Variants in AGPAT1 observed in about 807,000 individuals in gnomAD.
The protein encoded by AGPAT1 is 1-acylglycerol-3-phosphate O-acyltransferase 1, also known as 1-acyl-sn-glycerol-3-phosphate acyltransferase alpha.
A neutral mutation model predicts 31.2 loss-of-function variants in AGPAT1; 6 were observed. The ratio of observed to expected loss-of-function variants is 0.19; its 90% CI spans 0.11 to 0.38. AGPAT1 has a LOEUF of 0.38. Among genes scored for constraint, AGPAT1 ranks in the 10% least tolerant of loss-of-function variants. The pLI is 1.00. For synonymous variants in AGPAT1, 139 were observed against 154.0 expected (o/e 0.90, Z 0.72); for missense variants, 187 against 377.8 (o/e 0.49, Z 4.19).
Position 32,175,732 on chromosome 6 carries a change from G to A in AGPAT1, c.-10+82C>T, listed in dbSNP as rs139168537. 2.3e-3 allele frequency: 1,823 copies of A among 792,426 alleles called. 28 individuals carry two copies. In the African/African-American group the frequency reaches 0.033, roughly 14 times the overall value. The allele number at this position is 792,426 out of a possible 1,614,324, so 49.1% of individuals were successfully genotyped here. ...CCCTCTCCCCCAGTCGGCCCTCCCA[G>A]ACCCAATCTCTCCCCTTCCCCTCAT... On this transcript the variant is annotated intron_variant, in intron 1 of 6. Transcript: ENST00000375107. The surrounding 1 kb of genome is among the most constrained non-coding windows in gnomAD (Gnocchi z 4.5).
upstream of AGPAT1, chr6:32,176,265 T>A: frequency 1.7e-6 from 1 of 603,326 alleles, no homozygotes; most frequent in Non-Finnish European, 2.1e-6. Flanking sequence ...TTTGCCCCCA[T>A]CTCTGGCTCC....
Position 32,169,057 on chromosome 6 carries a change from T to G in AGPAT1, c.*219A>C. The G allele has an allele frequency of 6.9e-6, 4 of 577,100 alleles. No homozygotes were observed. Among genetic ancestry groups the G allele is most frequent in the East Asian group, 2.8e-5 (1 of 35,282 alleles). 35.7% of individuals were successfully genotyped at this position (577,100 alleles called of 1,614,324 possible). On this transcript the variant is annotated 3_prime_UTR_variant, in exon 7 of 7. Transcript: ENST00000375107. The surrounding 1 kb of genome is among the most constrained non-coding windows in gnomAD (Gnocchi z 5.9). Reference sequence around the variant, plus strand: ...GACAGTAGGAGGTGGGGGTCAAGAGTGGAGACTGCACCGAGGCAAGAGTCC... The same window carrying G: ...GACAGTAGGAGGTGGGGGTCAAGAGGGGAGACTGCACCGAGGCAAGAGTCC...
rs1785465842 is a variant in AGPAT1 at position 32,175,554 on chromosome 6, C to T, written c.-10+260G>A. On this transcript the variant is annotated intron_variant, in intron 1 of 6. Transcript: ENST00000375107. This position sits in a 1 kb window ranked among gnomAD's most constrained non-coding sequence, Gnocchi z 4.5. ...GGGGAAGGTGTAGGGAATTCCCTCT[C>T]CAGGATTCCCTGTGCACGCTCCCAG... Among the ~76,000 whole-genome samples the T allele has an allele frequency of 6.6e-6, 1 of 152,012 alleles. No homozygotes were observed. Among genetic ancestry groups the T allele is most frequent in the Non-Finnish European group, 1.5e-5 (1 of 67,968 alleles).
Position 32,169,442 on chromosome 6 carries a change from C to G in AGPAT1, c.686G>C (p.Cys229Ser). Residue 229 changes from cysteine to serine, a missense_variant, in exon 7 of 7, where the codon TGT (cysteine) becomes TCT (serine). By Grantham distance (112) the Cys-to-Ser change is moderately radical (BLOSUM62 -1). Coordinates refer to ENST00000375107, the MANE Select transcript of AGPAT1 (RefSeq NM_006411.4). The surrounding 1 kb of genome is among the most constrained non-coding windows in gnomAD (Gnocchi z 5.9). ...CACTGGGGGCAGCACCCGCACCTGA[C>G]ATTGTCCTGGGGCAAGGGGAGCACC... ...KKERRFTSGQ[C>S]QVRVLPPVPT... 1 of 1,612,488 alleles carries G rather than the reference C, an allele frequency of 6.2e-7. No homozygotes were observed. Among genetic ancestry groups the G allele is most frequent in the Non-Finnish European group, 8.5e-7 (1 of 1,179,894 alleles).
chr6:32,169,438 C>T lies in AGPAT1; in HGVS notation c.690G>A (p.Gln230=). The T allele has an allele frequency of 1.9e-6, 3 of 1,612,526 alleles. No individual in the cohort carries two copies. The highest frequency in any genetic ancestry group is 2.2e-5 in the East Asian group (1 of 44,888). The change falls in exon 7 of 7, where the codon CAG becomes CAA. Residue 230 remains glutamine, a synonymous_variant. Coordinates refer to ENST00000375107, the MANE Select transcript of AGPAT1 (RefSeq NM_006411.4). This position sits in a 1 kb window ranked among gnomAD's most constrained non-coding sequence, Gnocchi z 5.9. The part of the protein sequence containing the change: ...KERRFTSGQC[Q]VRVLPPVPTE... ...TGGGCACTGGGGGCAGCACCCGCAC[C>T]TGACATTGTCCTGGGGCAAGGGGAG...
At position 32,168,268 on chromosome 6, in the gene AGPAT1, C is replaced by T. The variant is rs963207113; in HGVS notation, c.*1008G>A. 5 of 385,642 alleles carry T rather than the reference C, an allele frequency of 1.3e-5. No individual in the cohort carries two copies. The highest frequency in any genetic ancestry group is 6.1e-5 in the African/African-American group (3 of 49,546). The allele number at this position is 385,642 out of a possible 1,614,324, so 23.9% of individuals were successfully genotyped here. A position where few individuals can be genotyped will look rare whatever the true frequency, so the allele number is the denominator to read the frequency against. ...CTGTTATCCAGATAATTAATAAAAA[C>T]CAACCACGCAAAACTGGGTCCCACC... On this transcript the variant is annotated 3_prime_UTR_variant, in exon 7 of 7. Transcript: ENST00000375107. This position sits in a 1 kb window ranked among gnomAD's most constrained non-coding sequence, Gnocchi z 4.5.
At chr6:32,177,011 C>A (rs1417422057), upstream of AGPAT1, 1 of 398,564 alleles carries the variant, frequency 2.5e-6, no homozygotes, top group Non-Finnish European at 4.4e-6. Flanking sequence ...ACTTCACTCT[C>A]CTTCATTTCC....
Position 32,169,083 on chromosome 6 carries a change from A to G in AGPAT1, c.*193T>C. On this transcript the variant is annotated 3_prime_UTR_variant, in exon 7 of 7. Transcript: ENST00000375107. This position sits in a 1 kb window ranked among gnomAD's most constrained non-coding sequence, Gnocchi z 5.9. ...GGAGACTGCACCGAGGCAAGAGTCC[A>G]TGGATGGGGCCAAGAGGGGGCAGGA... 1 of 635,726 alleles carries G rather than the reference A, an allele frequency of 1.6e-6. No individual in the cohort carries two copies. Among genetic ancestry groups the G allele is most frequent in the South Asian group, 2.0e-5 (1 of 49,764 alleles). The allele number at this position is 635,726 out of a possible 1,614,324, so 39.4% of individuals were successfully genotyped here. A position where few individuals can be genotyped will look rare whatever the true frequency, so the allele number is the denominator to read the frequency against.
In AGPAT1 at chr6:32,175,197, C is replaced by T. The variant is rs1262683759; in HGVS notation, c.-10+617G>A. Among the ~76,000 whole-genome samples, 1 of 152,160 alleles carries T rather than the reference C, an allele frequency of 6.6e-6. No homozygotes were observed. Among genetic ancestry groups the T allele is most frequent in the Non-Finnish European group, 1.5e-5 (1 of 68,030 alleles). On this transcript the variant is annotated intron_variant, in intron 1 of 6. Transcript: ENST00000375107. The surrounding 1 kb of genome is among the most constrained non-coding windows in gnomAD (Gnocchi z 4.5). Reference sequence around the variant, plus strand: ...AAACATGTCAAAACTGGATGTGAGACATGGACACAAGAATGAAGAATGGGC... The same window carrying T: ...AAACATGTCAAAACTGGATGTGAGATATGGACACAAGAATGAAGAATGGGC...
In AGPAT1 at chr6:32,175,766, C is replaced by T; in HGVS notation, c.-10+48G>A. On this transcript the variant is annotated intron_variant, in intron 1 of 6. Transcript: ENST00000375107. The surrounding 1 kb of genome is among the most constrained non-coding windows in gnomAD (Gnocchi z 4.5). ...TCTCCCCTTCCCCTCATCCTAGTCG[C>T]TTTCAGCACCCTCTTCCCTCCTCCT... The T allele has an allele frequency of 1.1e-6, 1 of 949,768 alleles. No individual in the cohort carries two copies. Among genetic ancestry groups the T allele is most frequent in the Non-Finnish European group, 1.3e-6 (1 of 797,188 alleles). 58.8% of individuals were successfully genotyped at this position (949,768 alleles called of 1,614,324 possible). A position where few individuals can be genotyped will look rare whatever the true frequency, so the allele number is the denominator to read the frequency against.
chr6:32,169,135 G>C lies in AGPAT1; in HGVS notation c.*141C>G. ...TGGCGCTGTATCCACATTCACTTCAGAAGTTGAAGATTCCAAAGAGGAGAA... is the reference window on the plus strand; with the variant it reads ...TGGCGCTGTATCCACATTCACTTCACAAGTTGAAGATTCCAAAGAGGAGAA... On this transcript the variant is annotated 3_prime_UTR_variant, in exon 7 of 7. Coordinates refer to ENST00000375107, the MANE Select transcript of AGPAT1 (RefSeq NM_006411.4). The surrounding 1 kb of genome is among the most constrained non-coding windows in gnomAD (Gnocchi z 5.9). The C allele has an allele frequency of 1.1e-6, 1 of 924,948 alleles. No individual in the cohort carries two copies. Among genetic ancestry groups the C allele is most frequent in the Non-Finnish European group, 1.6e-6 (1 of 614,820 alleles). The allele number at this position is 924,948 out of a possible 1,614,324, so 57.3% of individuals were successfully genotyped here. A position where few individuals can be genotyped will look rare whatever the true frequency, so the allele number is the denominator to read the frequency against.
chr6:32,171,307 C>T lies in AGPAT1; in HGVS notation c.190G>A (p.Glu64Lys), dbSNP rs765147808. The change falls in exon 2 of 7, where the codon GAG (glutamate) becomes AAG (lysine). Residue 64 changes from glutamate to lysine, a missense_variant. By Grantham distance (56) the Glu-to-Lys change is moderately conservative (BLOSUM62 1). Transcript: ENST00000375107. This position sits in a 1 kb window ranked among gnomAD's most constrained non-coding sequence, Gnocchi z 6.9. ...PVCAVRGRNV[E>K]NMKILRLMLL... ...CCCCTTGCCCCTCACTTCATGTTCTCGACGTTGCGTCCTCGCACGGCACAC... is the reference window on the plus strand; with the variant it reads ...CCCCTTGCCCCTCACTTCATGTTCTTGACGTTGCGTCCTCGCACGGCACAC... 1.2e-6 allele frequency: 2 copies of T among 1,613,136 alleles called. No individual in the cohort carries two copies. The highest frequency in any genetic ancestry group is 1.7e-6 in the Non-Finnish European group (2 of 1,180,026).
upstream of AGPAT1, chr6:32,176,388 C>CTA: frequency 1.5e-6 from 1 of 674,954 alleles, no homozygotes; most frequent in African/African-American, 2.0e-5. Context: ...TTAACTGCCA[C>CTA]TTTTACTTGG....
In AGPAT1 at chr6:32,171,292, C is replaced by T. The variant is rs1336906288; in HGVS notation, c.200+5G>A. 1 of 1,613,164 alleles carries T rather than the reference C, an allele frequency of 6.2e-7. No individual in the cohort carries two copies. Among genetic ancestry groups the T allele is most frequent in the Admixed American group, 1.7e-5 (1 of 60,026 alleles). On this transcript the variant is annotated splice_donor_5th_base_variant and intron_variant, in intron 2 of 6. Transcript: ENST00000375107. The surrounding 1 kb of genome is among the most constrained non-coding windows in gnomAD (Gnocchi z 6.9). The stretch of plus-strand genomic sequence containing the variant: ...CCTCATTGCCCAAGACCCCTTGCCC[C>T]TCACTTCATGTTCTCGACGTTGCGT...
In AGPAT1 at chr6:32,171,798, C is replaced by T. The variant is rs906775219; in HGVS notation, c.-9-293G>A. 8.9e-6 allele frequency: 5 copies of T among 560,742 alleles called. No homozygotes were observed. Among genetic ancestry groups the T allele is most frequent in the African/African-American group, 3.7e-5 (2 of 53,346 alleles). The allele number at this position is 560,742 out of a possible 1,614,324, so 34.7% of individuals were successfully genotyped here. On this transcript the variant is annotated intron_variant, in intron 1 of 6. Transcript: ENST00000375107. The surrounding 1 kb of genome is among the most constrained non-coding windows in gnomAD (Gnocchi z 6.9). Reference sequence around the variant, plus strand: ...ACAGATACCTGATAATAAATGACAACAAGAATAATAGCTAACACTTGTAGC... The same window carrying T: ...ACAGATACCTGATAATAAATGACAATAAGAATAATAGCTAACACTTGTAGC...
upstream of AGPAT1, chr6:32,176,589 T>C (rs555434653): frequency 8.0e-5 from 76 of 945,262 alleles, no homozygotes; most frequent in African/African-American, 1.1e-3. Context: ...TCCAGTCCTC[T>C]GGTCTGGTTT....
At chr6:32,176,651 C>T (rs1413206130), upstream of AGPAT1, 5 of 303,626 alleles carry the variant, frequency 1.6e-5, no homozygotes, top group African/African-American at 1.1e-4. Flanking sequence ...CCCCCCTCCA[C>T]CTGCCTTCTC....
chr6:32,169,943 C>T lies in AGPAT1; in HGVS notation c.679+23G>A. On this transcript the variant is annotated intron_variant, in intron 6 of 6. Transcript: ENST00000375107. The surrounding 1 kb of genome is among the most constrained non-coding windows in gnomAD (Gnocchi z 5.9). The stretch of plus-strand genomic sequence containing the variant: ...CCAGCCTCTCCGGACACACCCTACC[C>T]CAGAACTGCTCAAAGCCCTCACCCG... 5.0e-6 allele frequency: 8 copies of T among 1,605,772 alleles called. No individual in the cohort carries two copies. Among genetic ancestry groups the T allele is most frequent in the Non-Finnish European group, 6.8e-6 (8 of 1,174,220 alleles).
At chr6:32,176,918 T>C (rs965392350), upstream of AGPAT1, 3 of 397,928 alleles carry the variant, frequency 7.5e-6, no homozygotes, top group African/African-American at 6.2e-5. Flanking sequence ...CGTGCCTCCT[T>C]AATTTGGTAG....
Sources: gnomAD v4.1 joint callset for allele counts (sites outside exome capture counted in the v4.1 genomes callset) on GRCh38, gnomAD v4.1.1 for gene constraint, Gnocchi (gnomAD v3.1) non-coding constraint, MANE v1.5 for transcripts, NCBI Gene and HGNC (gene_info 2026-07-23, HGNC 2026-07-21) for gene names.